Variants in CCSER1 observed in about 807,000 individuals in gnomAD.
CCSER1 encodes serine-rich coiled-coil domain-containing protein 1.
Under a neutral mutation model 82.0 loss-of-function variants are expected in CCSER1, and 41 were observed. The observed-to-expected ratio is 0.50, with a 90% CI of 0.39 to 0.65. The LOEUF (loss-of-function observed/expected upper bound fraction) is 0.65. Among genes scored for constraint, CCSER1 ranks in the 30% least tolerant of loss-of-function variants. The pLI, the probability that CCSER1 is intolerant of heterozygous loss-of-function variation, is 0.00. For missense variants in CCSER1, 1,119 were observed against 1,064.2 expected, an observed-to-expected ratio of 1.05 and a Z score of -0.72; for synonymous variants, 414 against 383.9, an observed-to-expected ratio of 1.08 and a Z score of -0.92.
chr4:91,433,164 G>A (rs1487680321), intron 10 of CCSER1, among the ~76,000 whole-genome samples: 3 of 152,060 alleles, frequency 2.0e-5, no homozygotes, highest in African/African-American at 7.2e-5. Context: ...TTCTCTTTCA[G>A]ACCCCATTAA....
chr4:91,445,242 A>G (rs1227810015), intron 10 of CCSER1, among the ~76,000 whole-genome samples: 1 of 152,094 alleles, frequency 6.6e-6, no homozygotes, highest in Non-Finnish European at 1.5e-5. Flanking sequence ...TTATTTTATG[A>G]CTTGAAAATT....
chr4:91,068,043 A>G (rs955403304), intron 9 of CCSER1, among the ~76,000 whole-genome samples: 22 of 152,230 alleles, frequency 1.4e-4, no homozygotes, highest in Admixed American at 2.6e-4. Flanking sequence ...TAACAAATAA[A>G]TGCTAGTTTG....
intron 6 of CCSER1, among the ~76,000 whole-genome samples, chr4:90,705,077 C>G (rs553560719): frequency 6.6e-6 from 1 of 152,210 alleles, no homozygotes; most frequent in South Asian, 2.1e-4. Context: ...AGCTTTTTTG[C>G]TCTGTTTTTT....
chr4:91,124,048 T>G (rs1023530916), intron 10 of CCSER1, among the ~76,000 whole-genome samples: 9 of 151,768 alleles, frequency 5.9e-5, no homozygotes, highest in Admixed American at 5.9e-4. Context: ...CCTTATATGA[T>G]TGTATGTTTT....
intron 4 of CCSER1, among the ~76,000 whole-genome samples, chr4:90,413,684 C>T (rs1313642559): frequency 6.6e-6 from 1 of 151,454 alleles, no homozygotes; most frequent in Non-Finnish European, 1.5e-5. Flanking sequence ...AATATATGTT[C>T]CTCCCTCACG....
intron 7 of CCSER1, among the ~76,000 whole-genome samples, chr4:90,762,684 C>A (rs1278169251): frequency 6.6e-6 from 1 of 152,064 alleles, no homozygotes; most frequent in African/African-American, 2.4e-5. Context: ...TGTTATTTCA[C>A]ACAAAAATAA....
At chr4:91,222,531 G>C (rs772934677) in intron 10 of CCSER1, among the ~76,000 whole-genome samples, 7 of 152,078 alleles carry the variant, frequency 4.6e-5, no homozygotes, top group Non-Finnish European at 7.4e-5. Context: ...CTTGCTTAAC[G>C]ATCTCAAATA....
At position 91,291,600 on chromosome 4, in the gene CCSER1, G is replaced by A. The variant is rs573335736; in HGVS notation, c.2217+205606G>A. On this transcript the variant is annotated intron_variant, in intron 10 of 10. Transcript: ENST00000509176. Reference sequence around the variant, plus strand: ...CAAGAGAGAGAAGGGAGGTGCCAAAGAGTTTTAAACAGCCAGATCTCATGA... The same window carrying A: ...CAAGAGAGAGAAGGGAGGTGCCAAAAAGTTTTAAACAGCCAGATCTCATGA... 1.1e-3 allele frequency among the ~76,000 whole-genome samples: 167 copies of A among 151,810 alleles called. 1 individual carries two copies. The highest frequency in any genetic ancestry group is 2.1e-3 in the Non-Finnish European group (143 of 67,966).
intron 8 of CCSER1, among the ~76,000 whole-genome samples, chr4:90,921,300 A>C: frequency 8.8e-6 from 1 of 113,580 alleles, no homozygotes; most frequent in East Asian, 2.1e-4. Flanking sequence ...AAAAATATTT[A>C]ATTCTTAATT....
intron 6 of CCSER1, among the ~76,000 whole-genome samples, chr4:90,632,725 G>T (rs188444588): frequency 2.0e-5 from 3 of 152,196 alleles, no homozygotes; most frequent in African/African-American, 7.2e-5. Context: ...TTGTGTTTTA[G>T]ACTGTTGGTA....
Position 90,400,135 on chromosome 4 carries a change from T to C in CCSER1, c.1603+6T>C. The C allele has an allele frequency of 6.7e-7, 1 of 1,503,664 alleles. No homozygotes were observed. Among genetic ancestry groups the C allele is most frequent in the Non-Finnish European group, 9.2e-7 (1 of 1,082,304 alleles). 93.1% of individuals were successfully genotyped at this position (1,503,664 alleles called of 1,614,324 possible). A position where few individuals can be genotyped will look rare whatever the true frequency, so the allele number is the denominator to read the frequency against. ...ACAGAGTCTTCACCCTTCTGGTAAG[T>C]GTTAAAGAGATGAATAATATCATAC... is the stretch of plus-strand genomic sequence containing the variant. On this transcript the variant is annotated splice_donor_region_variant and intron_variant, in intron 4 of 10. Transcript: ENST00000509176.
intron 3 of CCSER1, among the ~76,000 whole-genome samples, chr4:90,327,372 G>C (rs1738411540): frequency 6.6e-6 from 1 of 152,118 alleles, no homozygotes; most frequent in Non-Finnish European, 1.5e-5. Flanking sequence ...ATCTACTTTA[G>C]AACGGTACTC....
intron 1 of CCSER1, among the ~76,000 whole-genome samples, chr4:90,226,715 T>A (rs1162492248): frequency 6.6e-6 from 1 of 152,210 alleles, no homozygotes; most frequent in East Asian, 1.9e-4. Context: ...GTGACTGTTG[T>A]GGAGGTGTGC....
At chr4:91,437,125 C>G (rs1254452350) in intron 10 of CCSER1, among the ~76,000 whole-genome samples, 1 of 152,146 alleles carries the variant, frequency 6.6e-6, no homozygotes, top group Non-Finnish European at 1.5e-5. Context: ...AATTAAGATT[C>G]AGACTTTCAG....
At chr4:90,690,556 T>C (rs1262700322) in intron 6 of CCSER1, among the ~76,000 whole-genome samples, 1 of 152,070 alleles carries the variant, frequency 6.6e-6, no homozygotes, top group East Asian at 1.9e-4. Flanking sequence ...GTCAAATATT[T>C]CTACAGTTTT....
intron 6 of CCSER1, among the ~76,000 whole-genome samples, chr4:90,663,279 T>C (rs1731150193): frequency 6.6e-6 from 1 of 152,206 alleles, no homozygotes; most frequent in Non-Finnish European, 1.5e-5. Flanking sequence ...ATTAACATCT[T>C]CACTTTTTTG....
At chr4:90,780,861 AAG>A (rs1561124402) in intron 7 of CCSER1, 1 of 878,100 alleles carries the variant, frequency 1.1e-6, no homozygotes, top group African/African-American at 1.8e-5. Context: ...CATGGCTATA[AAG>A]AAATACCTGA....
At chr4:90,976,423 C>A (rs1735623560) in intron 9 of CCSER1, among the ~76,000 whole-genome samples, 1 of 150,602 alleles carries the variant, frequency 6.6e-6, no homozygotes, top group African/African-American at 2.4e-5. Flanking sequence ...AGTTATAGAT[C>A]AAATGACATA....
chr4:90,744,107 G>A (rs1746999364), intron 7 of CCSER1, among the ~76,000 whole-genome samples: 1 of 152,174 alleles, frequency 6.6e-6, no homozygotes, highest in South Asian at 2.1e-4. Flanking sequence ...ACTATGGAAA[G>A]CTATGGGAAT....
Sources: allele counts gnomAD v4.1 joint callset (sites outside exome capture counted in the v4.1 genomes callset), GRCh38; gene constraint gnomAD v4.1.1; transcripts MANE v1.5; gene names NCBI Gene and HGNC (gene_info 2026-07-23, HGNC 2026-07-21).